GBE1: variants seen among roughly 807,000 people sequenced by gnomAD.
The protein encoded by GBE1 is 1,4-alpha-glucan-branching enzyme.
GBE1 carries 70 observed loss-of-function variants against 88.8 expected under a neutral mutation model. The ratio of observed to expected loss-of-function variants is 0.79; its 90% CI spans 0.65 to 0.96. GBE1 has a LOEUF of 0.96. GBE1 is among the 40% of genes least tolerant of loss of function. The pLI, the probability that GBE1 is intolerant of heterozygous loss-of-function variation, is 0.00. For synonymous variants in GBE1, 284 were observed against 300.1 expected, an observed-to-expected ratio of 0.95 and a Z score of 0.56; for missense variants, 872 against 871.0, an observed-to-expected ratio of 1.00 and a Z score of -0.01.
At chr3:81,710,983 A>G (rs1159723579) in intron 1 of GBE1, among the ~76,000 whole-genome samples, 2 of 152,206 alleles carry the variant, frequency 1.3e-5, no homozygotes, top group South Asian at 2.1e-4. Context: ...CCAGGGTGGG[A>G]CGGAGGGGCG....
Position 81,499,173 on chromosome 3 carries a change from C to T in GBE1, c.1989G>A (p.Leu663=), listed in dbSNP as rs774275405. The change falls in exon 15 of 16, where the codon CTG becomes CTA. Residue 663 remains leucine, a synonymous_variant. Coordinates refer to ENST00000429644, the MANE Select transcript of GBE1 (RefSeq NM_000158.4). ...CAGAAAAAAAGTCAGTGCTGTGGTC[C>T]AGTCTCTGATGCCCTCCATATTCCG... The part of the protein sequence containing the change: ...DAAEYGGHQR[L]DHSTDFFSEA... 8 of 1,612,080 alleles carry T rather than the reference C, an allele frequency of 5.0e-6. No individual in the cohort carries two copies. Among genetic ancestry groups the T allele is most frequent in the Non-Finnish European group, 6.8e-6 (8 of 1,179,026 alleles).
intron 14 of GBE1, among the ~76,000 whole-genome samples, chr3:81,529,492 G>A (rs1364741879): frequency 6.6e-6 from 1 of 151,992 alleles, no homozygotes; most frequent in Non-Finnish European, 1.5e-5. Flanking sequence ...TGTAGGTCAG[G>A]TTTAGTGTTA....
intron 2 of GBE1, among the ~76,000 whole-genome samples, chr3:81,698,265 C>G (rs1035428855): frequency 1.3e-5 from 2 of 151,850 alleles, no homozygotes; most frequent in Non-Finnish European, 2.9e-5. Flanking sequence ...AAAGTACACA[C>G]ACACACAAAA....
chr3:81,634,450 G>T (rs1704563277), intron 7 of GBE1, among the ~76,000 whole-genome samples: 1 of 152,098 alleles, frequency 6.6e-6, no homozygotes, highest in East Asian at 1.9e-4. Context: ...CATGATTATT[G>T]CTATTATTAG....
intron 15 of GBE1, 127 bp from the exon 16 acceptor site, chr3:81,490,590 C>A: frequency 1.3e-6 from 1 of 784,966 alleles, no homozygotes; most frequent in Non-Finnish European, 2.2e-6. Flanking sequence ...TACAATTTTA[C>A]AAGCTCTTAG....
Position 81,490,524 on chromosome 3 carries a change from T to C in GBE1, c.2053-61A>G, listed in dbSNP as rs536716981. ...AAGTACCAAACGGCCTGTCATTATG[T>C]CAAAGAAACATAGGCATGACGCAGT... On this transcript the variant is annotated intron_variant, in intron 15 of 15. Coordinates refer to ENST00000429644, the MANE Select transcript of GBE1 (RefSeq NM_000158.4). 730 of 1,315,828 alleles carry C rather than the reference T, an allele frequency of 5.5e-4. 12 individuals are homozygous for C. In the South Asian group the frequency reaches 8.4e-3, roughly 15 times the overall value. The allele number at this position is 1,315,828 out of a possible 1,614,324, so 81.5% of individuals were successfully genotyped here.
chr3:81,628,742 C>CATATATATATATAT lies in GBE1; in HGVS notation c.992+14025_992+14038dup, dbSNP rs71108330. 1.8e-3 allele frequency among the ~76,000 whole-genome samples: 118 copies of CATATATATATATAT among 65,388 alleles called. 4 individuals carry two copies. Among genetic ancestry groups the CATATATATATATAT allele is most frequent in the East Asian group, 4.3e-3 (4 of 922 alleles). The allele number at this position is 65,388 out of a possible 152,430, so 42.9% of individuals were successfully genotyped here. Reference sequence around the variant, plus strand: ...AAATATAAAGGAGAAAGAACAATTGCATATATATATATATATATATATATA... The same window carrying CATATATATATATAT: ...AAATATAAAGGAGAAAGAACAATTGCATATATATATATATATATATATATATATATATATATATA... On this transcript the variant is annotated intron_variant, in intron 7 of 15. Transcript: ENST00000429644.
intron 1 of GBE1, among the ~76,000 whole-genome samples, chr3:81,711,099 C>A (rs190118133): frequency 4.5e-4 from 68 of 152,266 alleles, no homozygotes; most frequent in African/African-American, 1.5e-3. Context: ...TACTGAAGCT[C>A]TAATTACAGA....
chr3:81,753,206 C>T (rs1706556199), intron 1 of GBE1, among the ~76,000 whole-genome samples: 2 of 152,210 alleles, frequency 1.3e-5, no homozygotes, highest in African/African-American at 4.8e-5. Context: ...TACCTTTTGT[C>T]AAGGTACCGG....
Position 81,571,194 on chromosome 3 carries a change from T to C in GBE1, c.1618+6731A>G, listed in dbSNP as rs545108603. Among the ~76,000 whole-genome samples the C allele has an allele frequency of 5.9e-5, 9 of 152,330 alleles. No homozygotes were observed. The East Asian group carries it at 1.7e-3, about 29-fold the overall frequency. On this transcript the variant is annotated intron_variant, in intron 12 of 15. Transcript: ENST00000429644. ...TTATCTGCACACACAGCTCCTCATA[T>C]ACCTTTTTACTTATTTCCTCCTTTT...
intron 12 of GBE1, among the ~76,000 whole-genome samples, chr3:81,567,053 C>A (rs953098279): frequency 6.6e-6 from 1 of 152,166 alleles, no homozygotes; most frequent in Non-Finnish European, 1.5e-5. Flanking sequence ...GAGCTGTCTG[C>A]AAAAGCATTA....
At chr3:81,536,420 G>C (rs1559637499) in intron 13 of GBE1, among the ~76,000 whole-genome samples, 1 of 151,622 alleles carries the variant, frequency 6.6e-6, no homozygotes, top group Non-Finnish European at 1.5e-5. Flanking sequence ...GGACAGACAG[G>C]CTCATGAAAA....
intron 12 of GBE1, among the ~76,000 whole-genome samples, chr3:81,546,892 A>C (rs1703211397): frequency 6.6e-6 from 1 of 150,904 alleles, no homozygotes; most frequent in Admixed American, 6.6e-5. Flanking sequence ...AGATCCAAAA[A>C]CCCTCTCTTA....
Position 81,527,692 on chromosome 3 carries a change from G to C in GBE1, c.1934+7503C>G, listed in dbSNP as rs536779185. ...ATACCATCTCACACCAGTTTGAATG[G>C]TGATCATTAAAAAGTCAGGAAACAA... On this transcript the variant is annotated intron_variant, in intron 14 of 15. Coordinates refer to ENST00000429644, the MANE Select transcript of GBE1 (RefSeq NM_000158.4). 5.9e-5 allele frequency among the ~76,000 whole-genome samples: 9 copies of C among 152,204 alleles called. No homozygotes were observed. The South Asian group carries it at 1.9e-3, about 32-fold the overall frequency.
chr3:81,577,021 C>T (rs1427388662), intron 12 of GBE1, among the ~76,000 whole-genome samples: 2 of 152,060 alleles, frequency 1.3e-5, no homozygotes. Flanking sequence ...TTTACTACAA[C>T]CTCAGACTCC....
At chr3:81,577,008 T>C (rs1336449501) in intron 12 of GBE1, among the ~76,000 whole-genome samples, 1 of 152,100 alleles carries the variant, frequency 6.6e-6, no homozygotes. Context: ...TGCATGATTA[T>C]AGTTTACTAC....
intron 14 of GBE1, among the ~76,000 whole-genome samples, chr3:81,523,144 GT>G (rs1702896157): frequency 6.6e-6 from 1 of 150,556 alleles, no homozygotes; most frequent in African/African-American, 2.4e-5. Flanking sequence ...GGGGGTCACA[GT>G]AATACACTAT....
intron 7 of GBE1, among the ~76,000 whole-genome samples, chr3:81,629,170 C>T (rs1704469095): frequency 9.4e-6 from 1 of 106,270 alleles, no homozygotes; most frequent in South Asian, 4.0e-4. Flanking sequence ...CAATGCTATC[C>T]CTCCCCCCTC....
chr3:81,490,285 A>T lies in GBE1; in HGVS notation c.*122T>A. On this transcript the variant is annotated 3_prime_UTR_variant, in exon 16 of 16. Coordinates refer to ENST00000429644, the MANE Select transcript of GBE1 (RefSeq NM_000158.4). ...TGCATAAACCAATATTGAATTTCAG[A>T]CACTTGATGGCTTGGCTAGACAACT... 1 of 799,720 alleles carries T rather than the reference A, an allele frequency of 1.3e-6. No individual in the cohort carries two copies. The highest frequency in any genetic ancestry group is 1.6e-5 in the South Asian group (1 of 64,500). 49.5% of individuals were successfully genotyped at this position (799,720 alleles called of 1,614,324 possible).
Sources: allele counts gnomAD v4.1 joint callset (sites outside exome capture counted in the v4.1 genomes callset), GRCh38; gene constraint gnomAD v4.1.1; transcripts MANE v1.5; gene names NCBI Gene and HGNC (gene_info 2026-07-23, HGNC 2026-07-21).